TIMM23B: variants seen among roughly 807,000 people sequenced by gnomAD.
The protein encoded by TIMM23B is mitochondrial import inner membrane translocase subunit Tim23B.
In TIMM23B, 27 loss-of-function variants were observed where a neutral mutation model predicts 27.3. The observed-to-expected ratio is 0.99, with a 90% CI of 0.73 to 1.36. The LOEUF is 1.36. Ranked by LOEUF, TIMM23B falls within the 40% of genes most tolerant of loss-of-function variation. The probability of loss-of-function intolerance (pLI) is 0.00; values close to 1 mark genes in which losing one functional copy is unlikely to be tolerated. For missense variants in TIMM23B, 205 were observed against 244.2 expected, an observed-to-expected ratio of 0.84 and a Z score of 1.07; for synonymous variants, 73 against 92.4, an observed-to-expected ratio of 0.79 and a Z score of 1.21.
intron 6 of TIMM23B, among the ~76,000 whole-genome samples, chr10:49,966,309 C>T (rs1219518379): frequency 5.4e-5 from 8 of 148,178 alleles, no homozygotes; most frequent in East Asian, 2.0e-4. Flanking sequence ...AATGAAATGC[C>T]GGGTGTGGTG....
At position 49,974,341 on chromosome 10, in the gene TIMM23B, G is replaced by A. The variant is rs1234006022; in HGVS notation, c.*1277G>A. 11 of 151,754 alleles carry A rather than the reference G, an allele frequency of 7.2e-5. No individual in the cohort carries two copies. The East Asian group carries it at 2.1e-3, about 29-fold the overall frequency. The allele number at this position is 151,754 out of a possible 1,614,324, so 9.4% of individuals were successfully genotyped here. A position where few individuals can be genotyped will look rare whatever the true frequency, so the allele number is the denominator to read the frequency against. On this transcript the variant is annotated 3_prime_UTR_variant, in exon 7 of 7. Transcript: ENST00000651259. ...TCCCTGCATTGAATGCCTGTCTGTT[G>A]ACATTATCTGTAAAAATTGTGGGAA...
intron 1 of TIMM23B, among the ~76,000 whole-genome samples, chr10:49,943,737 G>GTTTT (rs35547755): frequency 6.2e-5 from 7 of 113,618 alleles, no homozygotes; most frequent in African/African-American, 1.0e-4. Context: ...GTTTTTGTGG[G>GTTTT]TTTTTTTTTT....
chr10:49,973,239 A>C lies in TIMM23B; in HGVS notation c.*175A>C. 1.9e-6 allele frequency: 1 copy of C among 526,280 alleles called. No homozygotes were observed. Among genetic ancestry groups the C allele is most frequent in the East Asian group, 2.9e-5 (1 of 34,122 alleles). 32.6% of individuals were successfully genotyped at this position (526,280 alleles called of 1,614,324 possible). ...AGCTACATTTTAAAGGAGAAAAAGA[A>C]ACGTGAAGTCATGAACTGTTTATTT... On this transcript the variant is annotated 3_prime_UTR_variant, in exon 7 of 7. Transcript: ENST00000651259.
chr10:49,953,738 C>T (rs1839617570), intron 4 of TIMM23B, among the ~76,000 whole-genome samples: 2 of 152,168 alleles, frequency 1.3e-5, no homozygotes, highest in South Asian at 4.2e-4. Context: ...TTGTCCCTCG[C>T]TTCAATAATA....
At chr10:49,944,679 T>A (rs1260533980) in intron 1 of TIMM23B, among the ~76,000 whole-genome samples, 1 of 152,248 alleles carries the variant, frequency 6.6e-6, no homozygotes, top group Non-Finnish European at 1.5e-5. Flanking sequence ...CTCAGTCTTA[T>A]TTTGTAATTT....
rs182884069 is a variant in TIMM23B at position 49,966,308 on chromosome 10, C to T, written c.515-6704C>T. Among the ~76,000 whole-genome samples, 17 of 152,090 alleles carry T rather than the reference C, an allele frequency of 1.1e-4. No individual in the cohort carries two copies. In the East Asian group the frequency reaches 2.9e-3, roughly 26 times the overall value. Reference sequence around the variant, plus strand: ...AATGAAGTAAATGAATAATGAAATGCCGGGTGTGGTGGTGCACTCCAGCCT... The same window carrying T: ...AATGAAGTAAATGAATAATGAAATGTCGGGTGTGGTGGTGCACTCCAGCCT... On this transcript the variant is annotated intron_variant, in intron 6 of 6. Transcript: ENST00000651259.
At chr10:49,961,250 G>A (rs1352722935) in intron 6 of TIMM23B, among the ~76,000 whole-genome samples, 1 of 149,550 alleles carries the variant, frequency 6.7e-6, no homozygotes, top group African/African-American at 2.5e-5. Context: ...AGGTGTGGTG[G>A]CACATGCCTG....
At chr10:49,970,098 A>G (rs1381596833) in intron 6 of TIMM23B, 8 of 157,312 alleles carry the variant, frequency 5.1e-5, no homozygotes, top group South Asian at 1.5e-4. Context: ...TCAGTGCTCA[A>G]TGTTGCCCAG....
chr10:49,951,637 A>G (rs1463803904), intron 2 of TIMM23B, among the ~76,000 whole-genome samples: 1 of 152,150 alleles, frequency 6.6e-6, no homozygotes, highest in African/African-American at 2.4e-5. Context: ...CCTTAAACAG[A>G]TAAGAATTAT....
intron 6 of TIMM23B, among the ~76,000 whole-genome samples, chr10:49,961,346 G>A (rs1421522091): frequency 7.1e-6 from 1 of 141,200 alleles, no homozygotes; most frequent in Non-Finnish European, 1.5e-5. Flanking sequence ...TCACGCCACT[G>A]CACTCTAGCC....
chr10:49,966,994 A>C (rs1395544410), intron 6 of TIMM23B, among the ~76,000 whole-genome samples: 9 of 151,594 alleles, frequency 5.9e-5, no homozygotes, highest in Non-Finnish European at 1.3e-4. Flanking sequence ...ATCATGGCTC[A>C]CTGCCACCTC....
chr10:49,972,190 C>T (rs1341188932), intron 6 of TIMM23B, among the ~76,000 whole-genome samples: 1 of 152,252 alleles, frequency 6.6e-6, no homozygotes, highest in East Asian at 1.9e-4. Flanking sequence ...CTGTCATCAG[C>T]TGTAGACACT....
intron 5 of TIMM23B, 103 bp from the exon 6 acceptor site, chr10:49,958,267 G>C: frequency 1.3e-6 from 1 of 747,138 alleles, no homozygotes; most frequent in Non-Finnish European, 2.4e-6. Flanking sequence ...GAAGGGCTAT[G>C]GGAGTTATGA....
chr10:49,961,723 C>T (rs1156599145), intron 6 of TIMM23B, among the ~76,000 whole-genome samples: 1 of 151,726 alleles, frequency 6.6e-6, no homozygotes, highest in Admixed American at 6.6e-5. Flanking sequence ...CCTCAGCCTG[C>T]CCAGTGGTTC....
chr10:49,966,843 A>G (rs1369636518), intron 6 of TIMM23B, among the ~76,000 whole-genome samples: 2 of 152,228 alleles, frequency 1.3e-5, no homozygotes, highest in African/African-American at 2.4e-5. Flanking sequence ...AAAAATAAAT[A>G]AATGAATAAA....
intron 4 of TIMM23B, 93 bp downstream of exon 4, chr10:49,952,626 T>C (rs1839571138): frequency 8.5e-6 from 12 of 1,418,570 alleles, no homozygotes; most frequent in Non-Finnish European, 1.1e-5. Context: ...TTACAGATGG[T>C]TAGCATAGTT....
chr10:49,972,361 C>G (rs1458032404), intron 6 of TIMM23B, among the ~76,000 whole-genome samples: 1 of 151,642 alleles, frequency 6.6e-6, no homozygotes, highest in Non-Finnish European at 1.5e-5. Flanking sequence ...AACTGGAACC[C>G]TTGTACACAA....
chr10:49,943,374 C>T (rs1839227456), intron 1 of TIMM23B: 1 of 152,062 alleles, frequency 6.6e-6, no homozygotes, highest in South Asian at 2.1e-4. Flanking sequence ...TACCACCACA[C>T]CTGGCTAATT....
At chr10:49,967,688 CTA>C (rs1233051584) in intron 6 of TIMM23B, among the ~76,000 whole-genome samples, 4 of 152,318 alleles carry the variant, frequency 2.6e-5, no homozygotes, top group African/African-American at 9.6e-5. Context: ...GTGTTCCAGA[CTA>C]TGTTACTACT....
Sources: gnomAD v4.1 joint callset for allele counts (sites outside exome capture counted in the v4.1 genomes callset) on GRCh38, gnomAD v4.1.1 for gene constraint, MANE v1.5 for transcripts, NCBI Gene and HGNC (gene_info 2026-07-23, HGNC 2026-07-21) for gene names.